Variants in GRK3 observed in about 807,000 individuals in gnomAD.
The protein encoded by GRK3 is G protein-coupled receptor kinase 3.
In GRK3, 54 loss-of-function variants were observed where a neutral mutation model predicts 95.7. The ratio of observed to expected loss-of-function variants is 0.56; its 90% CI spans 0.45 to 0.71. The LOEUF is 0.71. Ranked by LOEUF, GRK3 falls within the 30% of genes least tolerant of loss-of-function variation. The pLI, the probability that GRK3 is intolerant of heterozygous loss-of-function variation, is 0.00. For missense variants in GRK3, 649 were observed against 851.2 expected (o/e 0.76, Z 2.96); for synonymous variants, 281 against 290.8 (o/e 0.97, Z 0.34).
At chr22:25,694,555 C>A (rs1194527136) in intron 12 of GRK3, among the ~76,000 whole-genome samples, 2 of 152,206 alleles carry the variant, frequency 1.3e-5, no homozygotes, top group Non-Finnish European at 2.9e-5. Flanking sequence ...GTGATTTCTC[C>A]ATCTTATGTA....
At chr22:25,675,019 G>A (rs2085016223) in intron 8 of GRK3, among the ~76,000 whole-genome samples, 1 of 152,068 alleles carries the variant, frequency 6.6e-6, no homozygotes, top group Non-Finnish European at 1.5e-5. Context: ...ACCTCTTAGG[G>A]CCAAATGGGA....
intron 1 of GRK3, among the ~76,000 whole-genome samples, chr22:25,586,544 C>T (rs1468738936): frequency 6.6e-6 from 1 of 152,230 alleles, no homozygotes; most frequent in African/African-American, 2.4e-5. Context: ...CATGACAGTC[C>T]ATTGTGGGAA....
rs778579878 is a variant in GRK3, at chr22:25,704,207, C to T, written c.1326C>T (p.Gly442=). The change falls in exon 15 of 21, where the codon GGC becomes GGT. Residue 442 remains glycine (G), a splice_region_variant and synonymous_variant. Coordinates refer to ENST00000324198, the MANE Select transcript of GRK3 (RefSeq NM_005160.4). ...DVSKRLGCHG[G]GSQEVKEHSF... ...GCAAGCGGCTGGGCTGTCACGGAGG[C>T]GGGTAGGCCATTGTTCCTGCCTTTC... 5.6e-6 allele frequency: 9 copies of T among 1,610,122 alleles called. No homozygotes were observed. Among genetic ancestry groups the T allele is most frequent in the African/African-American group, 1.3e-5 (1 of 74,686 alleles).
chr22:25,665,278 T>C (rs2084934504), intron 5 of GRK3, among the ~76,000 whole-genome samples: 1 of 152,236 alleles, frequency 6.6e-6, no homozygotes, highest in Non-Finnish European at 1.5e-5. Context: ...CTTTTTGTTG[T>C]CTCCATGATA....
chr22:25,681,466 G>A (rs1299826643), intron 9 of GRK3, among the ~76,000 whole-genome samples: 1 of 152,030 alleles, frequency 6.6e-6, no homozygotes, highest in Admixed American at 6.6e-5. Context: ...ACGTGAGGTT[G>A]GGGGAATCAG....
At chr22:25,612,925 A>G (rs2084509944) in intron 2 of GRK3, among the ~76,000 whole-genome samples, 1 of 152,160 alleles carries the variant, frequency 6.6e-6, no homozygotes, top group African/African-American at 2.4e-5. Context: ...CTTATTTTAA[A>G]AATTTGGTAA....
intron 6 of GRK3, among the ~76,000 whole-genome samples, chr22:25,670,657 T>C (rs2084973416): frequency 6.6e-6 from 1 of 152,046 alleles, no homozygotes; most frequent in Non-Finnish European, 1.5e-5. Context: ...ATCCTGTGTC[T>C]GTGTAAGGAA....
intron 8 of GRK3, among the ~76,000 whole-genome samples, chr22:25,675,127 G>A (rs1011056921): frequency 2.7e-5 from 4 of 150,444 alleles, no homozygotes; most frequent in African/African-American, 1.0e-4. Flanking sequence ...CTTGACAACT[G>A]TGGCATGTTA....
At chr22:25,718,066 G>A (rs2085400722) in intron 18 of GRK3, among the ~76,000 whole-genome samples, 179 bp from the exon 19 acceptor site, 1 of 152,202 alleles carries the variant, frequency 6.6e-6, no homozygotes. Context: ...AGAACCCTCT[G>A]ATCTTTAGAT....
chr22:25,700,182 C>CA lies in GRK3; in HGVS notation c.1161-3327dup, dbSNP rs139631923. On this transcript the variant is annotated intron_variant, in intron 13 of 20. Transcript: ENST00000324198. ...AGAAGGTGTTTTGCATCCCTGGACT[C>CA]ACAGTGATTGACTGAGCCGCTCATA... is the stretch of plus-strand genomic sequence containing the variant. Among the ~76,000 whole-genome samples, 1,074 of 152,350 alleles carry CA rather than the reference C, an allele frequency of 7.0e-3. 13 individuals carry two copies. The highest frequency in any genetic ancestry group is 0.024 in the African/African-American group (1,016 of 41,576).
At chr22:25,567,177 T>A (rs187905866) in intron 1 of GRK3, among the ~76,000 whole-genome samples, 34 of 152,308 alleles carry the variant, frequency 2.2e-4, no homozygotes, top group African/African-American at 8.2e-4. Context: ...GAGAGTAATT[T>A]TAGGAAACAG....
rs554902193 is a variant in GRK3, at chr22:25,602,994, G to A, written c.114-1383G>A. ...TGCAGTAGCACAATCTTGGGTCACT[G>A]CAACATCTGCCTCCTGGGTTCAAGT... On this transcript the variant is annotated intron_variant, in intron 1 of 20. Coordinates refer to ENST00000324198, the MANE Select transcript of GRK3 (RefSeq NM_005160.4). Among the ~76,000 whole-genome samples, 33 of 152,298 alleles carry A rather than the reference G, an allele frequency of 2.2e-4. 1 individual carries two copies. Among genetic ancestry groups the A allele is most frequent in the South Asian group, 1.9e-3 (9 of 4,818 alleles).
intron 2 of GRK3, among the ~76,000 whole-genome samples, chr22:25,618,611 TCTAA>T (rs924588337): frequency 1.5e-4 from 23 of 152,264 alleles, no homozygotes; most frequent in Non-Finnish European, 2.6e-4. Flanking sequence ...CTCCCATCCT[TCTAA>T]CTGTTTTCTG....
At chr22:25,675,141 T>A (rs1263750328) in intron 8 of GRK3, among the ~76,000 whole-genome samples, 1 of 152,122 alleles carries the variant, frequency 6.6e-6, no homozygotes, top group Non-Finnish European at 1.5e-5. Flanking sequence ...CATGTTACGT[T>A]CAGCCTCCCC....
At chr22:25,699,934 G>A (rs777484170) in intron 13 of GRK3, among the ~76,000 whole-genome samples, 3 of 152,098 alleles carry the variant, frequency 2.0e-5, no homozygotes, top group East Asian at 1.9e-4. Context: ...TCCTGATCCC[G>A]TGATCTGCCC....
intron 1 of GRK3, among the ~76,000 whole-genome samples, chr22:25,594,594 A>G (rs1301962649): frequency 6.6e-6 from 1 of 152,092 alleles, no homozygotes; most frequent in East Asian, 1.9e-4. Flanking sequence ...AAAATTAAAA[A>G]CTGGCCCGGT....
intron 1 of GRK3, among the ~76,000 whole-genome samples, chr22:25,574,827 C>T (rs1163340060): frequency 6.6e-6 from 1 of 152,118 alleles, no homozygotes; most frequent in African/African-American, 2.4e-5. Flanking sequence ...ATCGTCATCA[C>T]CAGTAAGTCT....
intron 15 of GRK3, among the ~76,000 whole-genome samples, chr22:25,708,820 C>T (rs917607217): frequency 6.6e-6 from 1 of 151,562 alleles, no homozygotes; most frequent in African/African-American, 2.4e-5. Flanking sequence ...TGCCACCATG[C>T]CCAGCTAATT....
At chr22:25,581,108 CTG>C (rs1487671045) in intron 1 of GRK3, 2 of 152,038 alleles carry the variant, frequency 1.3e-5, no homozygotes, top group Admixed American at 1.3e-4. Context: ...GAGTGAGACT[CTG>C]TCTCAAAAAA....
Sources: allele counts gnomAD v4.1 joint callset (sites outside exome capture counted in the v4.1 genomes callset), GRCh38; gene constraint gnomAD v4.1.1; transcripts MANE v1.5; gene names NCBI Gene and HGNC (gene_info 2026-07-23, HGNC 2026-07-21).